Variants in CRIM1 observed in about 807,000 individuals in gnomAD.
The protein encoded by CRIM1 is cysteine rich transmembrane BMP regulator 1, also known as cysteine-rich motor neuron 1 protein.
Under a neutral mutation model 116.4 loss-of-function variants are expected in CRIM1, and 32 were observed. That is an observed-to-expected ratio of 0.27 (90% CI 0.21 to 0.37). The LOEUF (loss-of-function observed/expected upper bound fraction) is 0.37. Ranked by LOEUF, CRIM1 falls within the 10% of genes least tolerant of loss-of-function variation. The pLI, the probability that CRIM1 is intolerant of heterozygous loss-of-function variation, is 1.00. For missense variants in CRIM1, 1,331 were observed against 1,354.8 expected (o/e 0.98, Z 0.28); for synonymous variants, 590 against 509.2 (o/e 1.16, Z -2.13).
intron 13 of CRIM1, among the ~76,000 whole-genome samples, chr2:36,535,297 A>G (rs372913901): frequency 2.0e-5 from 3 of 152,266 alleles, no homozygotes; most frequent in African/African-American, 7.2e-5. Context: ...GCATCATTGG[A>G]TGATTCTGTT....
In CRIM1 at chr2:36,548,756, A is replaced by G. The variant is rs1441670474; in HGVS notation, c.*55A>G. The G allele has an allele frequency of 6.9e-7, 1 of 1,440,402 alleles. No individual in the cohort carries two copies. The highest frequency in any genetic ancestry group is 9.4e-7 in the Non-Finnish European group (1 of 1,063,944). 89.2% of individuals were successfully genotyped at this position (1,440,402 alleles called of 1,614,324 possible). ...GACGGAAGACGACTAAATCTGCTCTAAAAAGTAAACTAGAATTTGTGCACT... is the reference window on the plus strand; with the variant it reads ...GACGGAAGACGACTAAATCTGCTCTGAAAAGTAAACTAGAATTTGTGCACT... On this transcript the variant is annotated 3_prime_UTR_variant, in exon 17 of 17. Transcript: ENST00000280527.
chr2:36,534,525 G>A (rs1337164980), intron 13 of CRIM1, among the ~76,000 whole-genome samples: 2 of 138,166 alleles, frequency 1.4e-5, no homozygotes, highest in East Asian at 2.2e-4. Context: ...GGATAGGGAA[G>A]GGAGGGAGAG....
At chr2:36,372,111 T>G (rs1014436804) in intron 1 of CRIM1, among the ~76,000 whole-genome samples, 6 of 152,214 alleles carry the variant, frequency 3.9e-5, no homozygotes, top group African/African-American at 1.4e-4. Context: ...CCAGATATCC[T>G]AAGGAATTTT....
chr2:36,469,920 G>T (rs1678358221), intron 5 of CRIM1, among the ~76,000 whole-genome samples: 1 of 151,996 alleles, frequency 6.6e-6, no homozygotes, highest in Admixed American at 6.6e-5. Context: ...GGATATGCTT[G>T]GTGTCCTCCA....
intron 14 of CRIM1, among the ~76,000 whole-genome samples, chr2:36,537,879 T>C (rs1666663698): frequency 6.6e-6 from 1 of 152,246 alleles, no homozygotes; most frequent in Non-Finnish European, 1.5e-5. Flanking sequence ...CTAGAGAAGA[T>C]GGTCCAAGAT....
intron 13 of CRIM1, among the ~76,000 whole-genome samples, chr2:36,526,953 T>C (rs1665800629): frequency 6.6e-6 from 1 of 152,202 alleles, no homozygotes; most frequent in Non-Finnish European, 1.5e-5. Flanking sequence ...GCTCATGTGT[T>C]GGCTAAGTCT....
intron 1 of CRIM1, among the ~76,000 whole-genome samples, chr2:36,365,188 G>A (rs1036005416): frequency 7.2e-5 from 11 of 152,158 alleles, no homozygotes; most frequent in African/African-American, 2.4e-4. Context: ...AGCGCCTTTG[G>A]CATTTCAGCA....
intron 5 of CRIM1, among the ~76,000 whole-genome samples, chr2:36,468,568 G>C (rs1678231096): frequency 6.6e-6 from 1 of 152,160 alleles, no homozygotes; most frequent in African/African-American, 2.4e-5. Context: ...TGTGAACTTA[G>C]AAGTCATCAA....
In CRIM1 at chr2:36,442,821, A is replaced by T. The variant is rs562530987; in HGVS notation, c.869+86A>T. The T allele has an allele frequency of 1.6e-4, 242 of 1,481,036 alleles. No individual in the cohort carries two copies. In the African/African-American group the frequency reaches 3.0e-3, roughly 18 times the overall value. The allele number at this position is 1,481,036 out of a possible 1,614,324, so 91.7% of individuals were successfully genotyped here. On this transcript the variant is annotated intron_variant, in intron 4 of 16. Coordinates refer to ENST00000280527, the MANE Select transcript of CRIM1 (RefSeq NM_016441.3). The stretch of plus-strand genomic sequence containing the variant: ...TTTTGAGCATGCAGTTTGTTTTCCC[A>T]TGAGAAACCTAGTCCTTTCCTGTTT...
chr2:36,511,419 A>G (rs1245816363), intron 9 of CRIM1, among the ~76,000 whole-genome samples: 2 of 152,252 alleles, frequency 1.3e-5, no homozygotes, highest in Non-Finnish European at 2.9e-5. Context: ...ATAATGAATC[A>G]TCATCATTCT....
chr2:36,392,512 G>A lies in CRIM1; in HGVS notation c.332-4102G>A, dbSNP rs150992645. Among the ~76,000 whole-genome samples the A allele has an allele frequency of 5.9e-5, 9 of 152,064 alleles. 1 individual carries two copies. In the Middle Eastern group the frequency reaches 0.027, roughly 460 times the overall value. On this transcript the variant is annotated intron_variant, in intron 1 of 16. Transcript: ENST00000280527. ...AGCTATGTTAGAGAATCAGAACCTT[G>A]ATTCTTGTGCTGTGTATGTGGATTT... is the stretch of plus-strand genomic sequence containing the variant.
chr2:36,513,794 C>T lies in CRIM1; in HGVS notation c.1990+29C>T, dbSNP rs1288328744. 7 of 1,599,242 alleles carry T rather than the reference C, an allele frequency of 4.4e-6. No homozygotes were observed. In the East Asian group the frequency reaches 1.3e-4, roughly 31 times the overall value. The stretch of plus-strand genomic sequence containing the variant: ...AAAGCTGGCTGCCATCTGTGTGCTC[C>T]ATAAGCAAATGACTTCTGCCTTGCA... On this transcript the variant is annotated intron_variant, in intron 11 of 16. Transcript: ENST00000280527.
chr2:36,442,615 T>A lies in CRIM1; in HGVS notation c.749T>A (p.Val250Asp), dbSNP rs1200255170. The A allele has an allele frequency of 5.0e-6, 8 of 1,614,090 alleles. No individual in the cohort carries two copies. Among genetic ancestry groups the A allele is most frequent in the Non-Finnish European group, 6.8e-6 (8 of 1,180,004 alleles). The change falls in exon 4 of 17, where the codon GTT becomes GAT. Residue 250 changes from valine to aspartate, a missense_variant and splice_region_variant. Transcript: ENST00000280527. ...GTGCCTCTCTGTTTGCCCCTTTCAG[T>A]TTTCGGCGTGGACTGCAGGACTGTG... ...ECCDLYECKPVFGVDCRTVEC... is the reference protein window; with the variant it reads ...ECCDLYECKPDFGVDCRTVEC...
At chr2:36,400,561 C>T (rs1173881717) in intron 2 of CRIM1, among the ~76,000 whole-genome samples, 2 of 152,130 alleles carry the variant, frequency 1.3e-5, no homozygotes, top group Non-Finnish European at 2.9e-5. Context: ...GAAGAATGAT[C>T]TTTAAGTAGC....
At chr2:36,495,331 C>T (rs190655055) in intron 7 of CRIM1, among the ~76,000 whole-genome samples, 1 of 152,248 alleles carries the variant, frequency 6.6e-6, no homozygotes, top group Admixed American at 6.5e-5. Context: ...GTATTCAAAG[C>T]ACTGTTGCAT....
intron 7 of CRIM1, among the ~76,000 whole-genome samples, chr2:36,497,648 T>C (rs751815148): frequency 6.6e-6 from 1 of 152,222 alleles, no homozygotes; most frequent in Non-Finnish European, 1.5e-5. Flanking sequence ...GAAAAGTTTA[T>C]ATAAAAATTT....
intron 11 of CRIM1, 128 bp downstream of exon 11, chr2:36,513,893 G>T: frequency 1.3e-6 from 1 of 763,262 alleles, no homozygotes; most frequent in South Asian, 1.8e-5. Flanking sequence ...GCACTGTGTG[G>T]TTTTTGTCAA....
intron 7 of CRIM1, among the ~76,000 whole-genome samples, chr2:36,490,875 C>T (rs1227888835): frequency 6.6e-6 from 1 of 152,188 alleles, no homozygotes; most frequent in Admixed American, 6.5e-5. Context: ...CTGAGCTGCT[C>T]AGCCTCCATC....
intron 1 of CRIM1, among the ~76,000 whole-genome samples, chr2:36,393,469 A>G (rs3770937): frequency 0.15 from 23,318 of 151,992 alleles, 2,208 homozygotes; most frequent in East Asian, 0.49. Flanking sequence ...CCAGTGACAT[A>G]TATGTGTGTC....
Sources: allele counts gnomAD v4.1 joint callset (sites outside exome capture counted in the v4.1 genomes callset), GRCh38; gene constraint gnomAD v4.1.1; transcripts MANE v1.5; gene names NCBI Gene and HGNC (gene_info 2026-07-23, HGNC 2026-07-21).